The following SLC6A2 variants were observed in gnomAD, a reference collection of about 807,000 sequenced individuals.
SLC6A2 encodes the protein sodium-dependent noradrenaline transporter.
In SLC6A2, 26 loss-of-function variants were observed where a neutral mutation model predicts 71.7. The ratio of observed to expected loss-of-function variants is 0.36; its 90% CI spans 0.27 to 0.50. SLC6A2 has a LOEUF of 0.50. SLC6A2 is among the 20% of genes least tolerant of loss of function. The probability of loss-of-function intolerance (pLI) is 0.96; values close to 1 mark genes in which losing one functional copy is unlikely to be tolerated. For synonymous variants in SLC6A2, 363 were observed against 337.9 expected (o/e 1.07, Z -0.82); for missense variants, 581 against 803.9 (o/e 0.72, Z 3.35).
chr16:55,671,859 T>G, intron 3 of SLC6A2, 79 bp from the exon 4 acceptor site: 2 of 1,602,672 alleles, frequency 1.2e-6, no homozygotes, highest in Non-Finnish European at 1.7e-6. Flanking sequence ...GGGAGTGCAG[T>G]GGTGGAGCCA....
At chr16:55,694,873 G>A (rs913918565) in intron 7 of SLC6A2, among the ~76,000 whole-genome samples, 7 of 152,164 alleles carry the variant, frequency 4.6e-5, no homozygotes, top group Non-Finnish European at 8.8e-5. Flanking sequence ...GCAAGGAAGT[G>A]GTTTGTTTAT....
chr16:55,683,719 C>T (rs1180130028), intron 4 of SLC6A2, among the ~76,000 whole-genome samples: 1 of 152,094 alleles, frequency 6.6e-6, no homozygotes, highest in Non-Finnish European at 1.5e-5. Context: ...TATCATCAAG[C>T]GACAACTCAG....
At position 55,702,660 on chromosome 16, in the gene SLC6A2, C is replaced by T. The variant is rs1382989034; in HGVS notation, c.*314C>T. ...AGCTAGGTTCATGAGGTCGGAAATC[C>T]CCACCACATTTGCCTAGACTTTGGG... On this transcript the variant is annotated 3_prime_UTR_variant, in exon 15 of 15. Transcript: ENST00000568943. The T allele has an allele frequency of 3.1e-6, 4 of 1,311,010 alleles. No homozygotes were observed. In the African/African-American group the frequency reaches 4.5e-5, roughly 15 times the overall value. 81.2% of individuals were successfully genotyped at this position (1,311,010 alleles called of 1,614,324 possible). A position where few individuals can be genotyped will look rare whatever the true frequency, so the allele number is the denominator to read the frequency against.
rs776187250 is a variant in SLC6A2 at position 55,700,184 on chromosome 16, G to A, written c.1636G>A (p.Asp546Asn). The change falls in exon 13 of 15, where the codon GAC (aspartate) becomes AAC (asparagine). Residue 546 changes from aspartate to asparagine, a missense_variant. Asp to Asn is a conservative substitution (Grantham distance 23). Around this residue, in one of 5 missense-constraint regions of SLC6A2, gnomAD observed 334 missense variants for 449.0 expected, o/e 0.74. Coordinates refer to ENST00000568943, the MANE Select transcript of SLC6A2 (RefSeq NM_001172501.3). ...CATCAACTTCAAGCCACTCACCTAC[G>A]ACGACTACATCTTCCCGCCCTGGGC... ...SIINFKPLTY[D>N]DYIFPPWANW... 4.0e-5 allele frequency: 65 copies of A among 1,613,924 alleles called. No individual in the cohort carries two copies. Among genetic ancestry groups the A allele is most frequent in the Admixed American group, 3.0e-4 (18 of 59,994 alleles).
chr16:55,674,138 G>T (rs1965008696), intron 4 of SLC6A2, among the ~76,000 whole-genome samples: 1 of 152,096 alleles, frequency 6.6e-6, no homozygotes, highest in African/African-American at 2.4e-5. Flanking sequence ...CCCAGGTAAT[G>T]AGCATAGTAC....
intron 2 of SLC6A2, among the ~76,000 whole-genome samples, chr16:55,668,004 G>T (rs1480730678): frequency 6.6e-6 from 1 of 152,230 alleles, no homozygotes; most frequent in African/African-American, 2.4e-5. Context: ...GGGTTTCTGG[G>T]TAGTGTAAGT....
At chr16:55,675,615 G>A (rs777015141) in intron 4 of SLC6A2, among the ~76,000 whole-genome samples, 1 of 152,128 alleles carries the variant, frequency 6.6e-6, no homozygotes, top group Non-Finnish European at 1.5e-5. Context: ...GTCTATATCT[G>A]TGCAATCCAC....
chr16:55,669,442 C>T (rs1054765499), intron 2 of SLC6A2, 123 bp from the exon 3 acceptor site: 21 of 902,226 alleles, frequency 2.3e-5, no homozygotes, highest in Admixed American at 3.5e-5. Context: ...GATTGCTGCG[C>T]GTCGCCTTTG....
At chr16:55,675,540 G>A (rs964610265) in intron 4 of SLC6A2, among the ~76,000 whole-genome samples, 3 of 152,156 alleles carry the variant, frequency 2.0e-5, no homozygotes, top group African/African-American at 4.8e-5. Context: ...CCTGGGGGCC[G>A]TGGTGTGCTG....
chr16:55,698,423 C>T (rs751737579), intron 10 of SLC6A2, 46 bp from the exon 11 acceptor site: 13 of 1,341,270 alleles, frequency 9.7e-6, no homozygotes, highest in South Asian at 7.0e-5. Context: ...TCAGTTCCCA[C>T]GTTTGACCAA....
At position 55,702,595 on chromosome 16, in the gene SLC6A2, T is replaced by C; in HGVS notation, c.*249T>C. On this transcript the variant is annotated 3_prime_UTR_variant, in exon 15 of 15. Transcript: ENST00000568943. ...AAAATGACTTCTGTTCTGTCCCCGC[T>C]GTTTTGGGGGAAGTCTCTCCCACTT... is the stretch of plus-strand genomic sequence containing the variant. 2 of 1,411,618 alleles carry C rather than the reference T, an allele frequency of 1.4e-6. No individual in the cohort carries two copies. Among genetic ancestry groups the C allele is most frequent in the South Asian group, 1.5e-5 (1 of 66,382 alleles). The allele number at this position is 1,411,618 out of a possible 1,614,324, so 87.4% of individuals were successfully genotyped here. A position where few individuals can be genotyped will look rare whatever the true frequency, so the allele number is the denominator to read the frequency against.
intron 8 of SLC6A2, 45 bp from the exon 9 acceptor site, chr16:55,696,180 A>T (rs756165222): frequency 5.0e-6 from 6 of 1,188,780 alleles, no homozygotes; most frequent in Non-Finnish European, 7.6e-6. Context: ...TGCAGCTCAG[A>T]CCAATGGTTT....
At position 55,703,842 on chromosome 16, in the gene SLC6A2, A is replaced by T; in HGVS notation, c.*1496A>T. The T allele has an allele frequency of 1.0e-6, 1 of 984,042 alleles. No homozygotes were observed. The highest frequency in any genetic ancestry group is 1.2e-6 in the Non-Finnish European group (1 of 828,750). The allele number at this position is 984,042 out of a possible 1,614,324, so 61.0% of individuals were successfully genotyped here. On this transcript the variant is annotated 3_prime_UTR_variant, in exon 15 of 15. Transcript: ENST00000568943. ...TGTTGAGCCTGGTGGTTCCTGCATG[A>T]AGAGGATTATGAGGGGACCAGGGTG...
intron 5 of SLC6A2, among the ~76,000 whole-genome samples, chr16:55,687,934 A>C (rs868540575): frequency 1.3e-5 from 2 of 152,220 alleles, no homozygotes; most frequent in Admixed American, 6.5e-5. Flanking sequence ...AGAGTGTTAC[A>C]CTAGGAAAGC....
chr16:55,695,496 G>A, intron 8 of SLC6A2, 94 bp downstream of exon 8: 1 of 1,429,590 alleles, frequency 7.0e-7, no homozygotes. Context: ...GTGGCTGTAG[G>A]AATACTGGGT....
chr16:55,695,501 C>T, intron 8 of SLC6A2, 99 bp downstream of exon 8: 1 of 1,392,862 alleles, frequency 7.2e-7, no homozygotes, highest in Non-Finnish European at 1.0e-6. Flanking sequence ...TGTAGGAATA[C>T]TGGGTTGTCC....
chr16:55,673,712 C>T (rs1020016188), intron 4 of SLC6A2, among the ~76,000 whole-genome samples: 2 of 152,154 alleles, frequency 1.3e-5, no homozygotes, highest in Non-Finnish European at 1.5e-5. Flanking sequence ...CAAGTGTGCA[C>T]CACCATGCCT....
intron 2 of SLC6A2, among the ~76,000 whole-genome samples, chr16:55,660,873 GGA>G (rs2142486467): frequency 6.6e-6 from 1 of 152,322 alleles, no homozygotes; most frequent in East Asian, 1.9e-4. Context: ...GGCCCAGAAT[GGA>G]GGATATTTTG....
Position 55,656,284 on chromosome 16 carries a change from G to A in SLC6A2, c.-52+115G>A, listed in dbSNP as rs1032525064. The A allele has an allele frequency of 2.8e-5, 9 of 324,586 alleles. No homozygotes were observed. The highest frequency in any genetic ancestry group is 4.7e-5 in the Non-Finnish European group (8 of 169,900). 20.1% of individuals were successfully genotyped at this position (324,586 alleles called of 1,614,324 possible). ...GCAGTGACGTTAAGTGTCCGAGAAG[G>A]CTCCTGTGGCTGTTGAAGTGTCGCG... On this transcript the variant is annotated intron_variant, in intron 1 of 14. Coordinates refer to ENST00000568943, the MANE Select transcript of SLC6A2 (RefSeq NM_001172501.3). This position sits in a 1 kb window ranked among gnomAD's most constrained non-coding sequence, Gnocchi z 4.5.
Sources: allele counts gnomAD v4.1 joint callset (sites outside exome capture counted in the v4.1 genomes callset), GRCh38; gene constraint gnomAD v4.1.1; regional missense constraint gnomAD v4.1.1; non-coding constraint Gnocchi (gnomAD v3.1); transcripts MANE v1.5; gene names NCBI Gene and HGNC (gene_info 2026-07-23, HGNC 2026-07-21).